The following CELF2 variants were observed in gnomAD, a reference collection of about 807,000 sequenced individuals.
CELF2 encodes the protein CUGBP Elav-like family member 2.
A neutral mutation model predicts 62.6 loss-of-function variants in CELF2; 8 were observed. The observed-to-expected ratio is 0.13, with a 90% CI of 0.07 to 0.23. The LOEUF (loss-of-function observed/expected upper bound fraction) is 0.23. Ranked by LOEUF, CELF2 falls within the 10% of genes least tolerant of loss-of-function variation. The pLI, the probability that CELF2 is intolerant of heterozygous loss-of-function variation, is 1.00. For synonymous variants in CELF2, 258 were observed against 250.0 expected, an observed-to-expected ratio of 1.03 and a Z score of -0.30; for missense variants, 333 against 671.0, an observed-to-expected ratio of 0.50 and a Z score of 5.56.
chr10:11,048,660 T>A (rs1336003937), intron 1 of CELF2, among the ~76,000 whole-genome samples: 1 of 152,166 alleles, frequency 6.6e-6, no homozygotes, highest in Non-Finnish European at 1.5e-5. Context: ...ACACCTAAGG[T>A]AGAATCTAAG....
At chr10:10,462,615 C>CTTTTTTTTTTTTTTTATTT in the CELF2 span, among the ~76,000 whole-genome samples, 1 of 69,414 alleles carries the variant, frequency 1.4e-5, no homozygotes, top group Non-Finnish European at 2.5e-5. Flanking sequence ...TTTTTTTCAT[C>CTTTTTTTTTTTTTTTATTT]TTTTTTTTTT....
the CELF2 span, among the ~76,000 whole-genome samples, chr10:10,639,675 A>G: frequency 6.6e-6 from 1 of 152,210 alleles, no homozygotes; most frequent in Non-Finnish European, 1.5e-5. Flanking sequence ...AATATCTAAT[A>G]ATGTCTTTTT....
In CELF2 at chr10:11,324,823, C is replaced by A. The variant is rs538392726; in HGVS notation, c.1295-1013C>A. Among the ~76,000 whole-genome samples the A allele has an allele frequency of 3.2e-4, 48 of 152,288 alleles. No individual in the cohort carries two copies. The highest frequency in any genetic ancestry group is 9.9e-4 in the African/African-American group (41 of 41,558). On this transcript the variant is annotated intron_variant, in intron 11 of 12. Transcript: ENST00000633077. This position sits in a 1 kb window ranked among gnomAD's most constrained non-coding sequence, Gnocchi z 4.7. ...TATCCCCTGGGGTTGCCTAGTTGGG[C>A]AGGCAGGCCTGTTCCTCTCCTGTGA...
At chr10:10,587,259 G>C in the CELF2 span, among the ~76,000 whole-genome samples, 1 of 152,184 alleles carries the variant, frequency 6.6e-6, no homozygotes, top group African/African-American at 2.4e-5. Context: ...AAAATTACAT[G>C]CAACAAAATG....
rs2095416673 is a variant in CELF2 at position 11,321,089 on chromosome 10, C to T, written c.1097-100C>T. On this transcript the variant is annotated intron_variant, in intron 10 of 12. Transcript: ENST00000633077. This position sits in a 1 kb window ranked among gnomAD's most constrained non-coding sequence, Gnocchi z 6.2. ...TGTAATTGTGTGCTAGCTGCATGTA[C>T]TTGCTGTTGTACTGTGTTTAAATGA... is the stretch of plus-strand genomic sequence containing the variant. 2.2e-6 allele frequency: 3 copies of T among 1,345,144 alleles called. No individual in the cohort carries two copies. In the South Asian group the frequency reaches 3.6e-5, roughly 16 times the overall value. The allele number at this position is 1,345,144 out of a possible 1,614,324, so 83.3% of individuals were successfully genotyped here. A position where few individuals can be genotyped will look rare whatever the true frequency, so the allele number is the denominator to read the frequency against.
chr10:10,562,736 C>A, the CELF2 span, among the ~76,000 whole-genome samples: 2 of 136,460 alleles, frequency 1.5e-5, no homozygotes, highest in Non-Finnish European at 3.0e-5. Context: ...CCTTCCTCTT[C>A]CCATTCCTTC....
Position 10,957,025 on chromosome 10 carries a change from A to G in CELF2, c.89+37026A>G, listed in dbSNP as rs2048981703. Among the ~76,000 whole-genome samples, 2 of 152,240 alleles carry G rather than the reference A, an allele frequency of 1.3e-5. No individual in the cohort carries two copies. The highest frequency in any genetic ancestry group is 1.9e-4 in the East Asian group (1 of 5,182). ...TAGAATGAGCCTAACGCTGCTTCCTATAACTCCAATGAGTGGCCCCACCTC... is the reference window on the plus strand; with the variant it reads ...TAGAATGAGCCTAACGCTGCTTCCTGTAACTCCAATGAGTGGCCCCACCTC... On this transcript the variant is annotated intron_variant, in intron 2 of 13. Coordinates refer to the CELF2 transcript ENST00000636488. This position sits in a 1 kb window ranked among gnomAD's most constrained non-coding sequence, Gnocchi z 4.1.
chr10:10,736,396 C>CTTTCTTTTTTTT, the CELF2 span, among the ~76,000 whole-genome samples: 4 of 75,992 alleles, frequency 5.3e-5, no homozygotes, highest in African/African-American at 1.5e-4. Context: ...TTCTTTCTTT[C>CTTTCTTTTTTTT]TTTTTTTTTT....
chr10:10,554,080 G>A, the CELF2 span, among the ~76,000 whole-genome samples: 1 of 152,148 alleles, frequency 6.6e-6, no homozygotes, highest in African/African-American at 2.4e-5. Flanking sequence ...CAGCTGGAGA[G>A]ACCATGGCTT....
chr10:10,789,346 T>A, the CELF2 span, among the ~76,000 whole-genome samples: 1 of 152,202 alleles, frequency 6.6e-6, no homozygotes, highest in Non-Finnish European at 1.5e-5. Flanking sequence ...TTTCATAATA[T>A]CCAGTTTTAT....
At chr10:10,778,520 C>T in the CELF2 span, among the ~76,000 whole-genome samples, 1 of 152,130 alleles carries the variant, frequency 6.6e-6, no homozygotes, top group African/African-American at 2.4e-5. Flanking sequence ...AAATTATAGA[C>T]AAATAGAACA....
chr10:11,154,716 C>G (rs940247178), intron 1 of CELF2, among the ~76,000 whole-genome samples: 39 of 152,286 alleles, frequency 2.6e-4, no homozygotes, highest in Non-Finnish European at 2.9e-4. Context: ...ACTTTTAAAC[C>G]TCATCAATCA....
the CELF2 span, among the ~76,000 whole-genome samples, chr10:10,646,455 G>T: frequency 3.3e-5 from 5 of 152,258 alleles, no homozygotes. Context: ...TTTTTTGCAC[G>T]TCGTTTCTCA....
intron 1 of CELF2, among the ~76,000 whole-genome samples, chr10:10,903,687 A>G (rs1477555482): frequency 2.0e-5 from 3 of 152,204 alleles, no homozygotes; most frequent in East Asian, 1.9e-4. Flanking sequence ...AAGGGCCTCC[A>G]TGGTGATGAG....
intron 1 of CELF2, among the ~76,000 whole-genome samples, chr10:11,119,168 C>T (rs1053948984): frequency 5.3e-5 from 8 of 152,180 alleles, no homozygotes; most frequent in Non-Finnish European, 1.5e-5. Context: ...GTAACGAAGG[C>T]AGGAGGGTCT....
chr10:10,592,990 T>C, the CELF2 span, among the ~76,000 whole-genome samples: 3 of 152,106 alleles, frequency 2.0e-5, no homozygotes, highest in Non-Finnish European at 2.9e-5. Flanking sequence ...AGACAAAATA[T>C]AAACCAAGTA....
At chr10:11,172,967 T>A (rs2069460259) in intron 2 of CELF2, among the ~76,000 whole-genome samples, 1 of 152,224 alleles carries the variant, frequency 6.6e-6, no homozygotes, top group Non-Finnish European at 1.5e-5. Context: ...TTTCTAGGCT[T>A]CTGTTTCAAT....
chr10:11,322,027 A>G (rs547882678), intron 11 of CELF2, among the ~76,000 whole-genome samples: 1 of 152,334 alleles, frequency 6.6e-6, no homozygotes, highest in Non-Finnish European at 1.5e-5. Flanking sequence ...GCTGACTGTA[A>G]ATAATTCCCA....
chr10:10,668,487 T>C, the CELF2 span, among the ~76,000 whole-genome samples: 4,683 of 152,288 alleles, frequency 0.031, 145 homozygotes, highest in African/African-American at 0.088. Flanking sequence ...TTCTGATGGA[T>C]TCACGGTACG....
Sources: allele counts gnomAD v4.1 joint callset (sites outside exome capture counted in the v4.1 genomes callset), GRCh38; gene constraint gnomAD v4.1.1; non-coding constraint Gnocchi (gnomAD v3.1); transcripts MANE v1.5; gene names NCBI Gene and HGNC (gene_info 2026-07-23, HGNC 2026-07-21).